The following PACRGL variants were observed in gnomAD, a reference collection of about 807,000 sequenced individuals.
PACRGL encodes parkin coregulated like.
In PACRGL, 38 loss-of-function variants were observed where a neutral mutation model predicts 34.5. The ratio of observed to expected loss-of-function variants is 1.10; its 90% CI spans 0.85 to 1.44. PACRGL has a LOEUF of 1.44. Ranked by LOEUF, PACRGL falls within the 40% of genes most tolerant of loss-of-function variation. The probability of loss-of-function intolerance (pLI) is 0.00; values close to 1 mark genes in which losing one functional copy is unlikely to be tolerated. For synonymous variants in PACRGL, 128 were observed against 100.1 expected (o/e 1.28, Z -1.66); for missense variants, 305 against 281.4 (o/e 1.08, Z -0.60).
downstream of PACRGL, chr4:20,732,838 GTCTAAGAAGCTCTGAC>G: frequency 9.2e-7 from 1 of 1,083,006 alleles, no homozygotes. Context: ...GAAGAAACCA[GTCTAAGAAGCTCTGAC>G]AGATTTTTCC....
At chr4:20,710,575 A>G (rs1191457574) in intron 5 of PACRGL, among the ~76,000 whole-genome samples, 2 of 152,154 alleles carry the variant, frequency 1.3e-5, no homozygotes, top group Admixed American at 6.5e-5. Flanking sequence ...ATTAGTTACT[A>G]CTGTGTAACT....
At chr4:20,754,760 TAAG>T (rs1332664271), downstream of PACRGL, among the ~76,000 whole-genome samples, 2 of 152,354 alleles carry the variant, frequency 1.3e-5, no homozygotes, top group African/African-American at 4.8e-5. Flanking sequence ...GTGCTCTGTT[TAAG>T]AAGATGTTCT....
downstream of PACRGL, chr4:20,734,477 A>G: frequency 9.0e-6 from 4 of 443,946 alleles, no homozygotes; most frequent in Non-Finnish European, 1.2e-5. Flanking sequence ...CTTCTATCCC[A>G]AGTTTTTAAT....
chr4:20,703,732 G>A (rs1452215413), intron 1 of PACRGL, among the ~76,000 whole-genome samples: 4 of 152,126 alleles, frequency 2.6e-5, no homozygotes, highest in Admixed American at 2.6e-4. Flanking sequence ...AACAGGTCAG[G>A]AAGTCGAGGT....
At chr4:20,720,542 A>G (rs1742554966) in intron 7 of PACRGL, among the ~76,000 whole-genome samples, 1 of 151,776 alleles carries the variant, frequency 6.6e-6, no homozygotes, top group Non-Finnish European at 1.5e-5. Flanking sequence ...CAAAATCAGC[A>G]TTTGCTTGTC....
intron 1 of PACRGL, chr4:20,702,251 A>T (rs1333172128): frequency 3.5e-5 from 16 of 455,916 alleles, no homozygotes; most frequent in South Asian, 2.5e-4. Context: ...GTGCATCATA[A>T]TTTGATATGG....
At chr4:20,712,628 T>A (rs1157291679) in intron 5 of PACRGL, 160 bp from the exon 6 acceptor site, 2 of 694,856 alleles carry the variant, frequency 2.9e-6, no homozygotes, top group Non-Finnish European at 4.2e-6. Context: ...TCCCACAGTT[T>A]CTCAATGTAA....
intron 8 of PACRGL, among the ~76,000 whole-genome samples, chr4:20,726,563 C>T (rs1183796622): frequency 6.6e-6 from 1 of 152,122 alleles, no homozygotes; most frequent in African/African-American, 2.4e-5. Context: ...TCTTCTTTCT[C>T]TTCTAAGACC....
intron 8 of PACRGL, chr4:20,749,565 C>A: frequency 1.3e-6 from 1 of 796,386 alleles, no homozygotes; most frequent in Non-Finnish European, 2.0e-6. Flanking sequence ...GGCTTTCTTT[C>A]CCCTGAGCAA....
In PACRGL at chr4:20,727,285, G is replaced by T; in HGVS notation, c.691G>T (p.Gly231Trp). ...ATGCTCAATTTTTTTCTGTTGACAG[G>T]GGAGCCTTAGCATCATCAAATCTAA... ...LQKLEQHGGS[G>W]SLSIIKSKIP... is the part of the protein sequence containing the mutation. Residue 231 changes from glycine to tryptophan, a missense_variant and splice_region_variant, in exon 9 of 9, where the codon GGG becomes TGG. Physicochemically the swap from Gly to Trp is radical, Grantham distance 184. Coordinates refer to ENST00000503585, the MANE Select transcript of PACRGL (RefSeq NM_001258345.3). 6.2e-7 allele frequency: 1 copy of T among 1,610,350 alleles called. No individual in the cohort carries two copies. Among genetic ancestry groups the T allele is most frequent in the Non-Finnish European group, 8.5e-7 (1 of 1,176,900 alleles).
At chr4:20,724,091 A>T (rs1744644295) in intron 7 of PACRGL, among the ~76,000 whole-genome samples, 1 of 152,082 alleles carries the variant, frequency 6.6e-6, no homozygotes, top group Non-Finnish European at 1.5e-5. Flanking sequence ...TATACAACTC[A>T]TTTTTTCCTC....
chr4:20,745,123 G>T (rs1752133445), intron 8 of PACRGL, among the ~76,000 whole-genome samples: 1 of 152,132 alleles, frequency 6.6e-6, no homozygotes, highest in Non-Finnish European at 1.5e-5. Flanking sequence ...AGGAGCTTTG[G>T]CCTCTTCTTG....
intron 8 of PACRGL, among the ~76,000 whole-genome samples, chr4:20,742,336 G>T (rs969265844): frequency 6.6e-6 from 1 of 152,078 alleles, no homozygotes; most frequent in African/African-American, 2.4e-5. Flanking sequence ...TTAGCAAACC[G>T]AATCCAGCAG....
chr4:20,711,731 A>T lies in PACRGL; in HGVS notation c.367-1057A>T, dbSNP rs373106263. Among the ~76,000 whole-genome samples, 621 of 148,522 alleles carry T rather than the reference A, an allele frequency of 4.2e-3. 4 individuals are homozygous for T. Among genetic ancestry groups the T allele is most frequent in the African/African-American group, 0.016 (591 of 37,938 alleles). On this transcript the variant is annotated intron_variant, in intron 5 of 8. Transcript: ENST00000503585. ...AAAAGTCAGATGGCCCTTTTGACTC[A>T]CTATGATTGGTTAAATCATAAAAGA...
At chr4:20,757,313 A>C (rs1316835599), downstream of PACRGL, among the ~76,000 whole-genome samples, 2 of 152,174 alleles carry the variant, frequency 1.3e-5, no homozygotes, top group African/African-American at 4.8e-5. Flanking sequence ...CTACAGCAGT[A>C]ATCTTCTAAT....
At chr4:20,732,866 A>C (rs1386053737), downstream of PACRGL, 5 of 837,544 alleles carry the variant, frequency 6.0e-6, no homozygotes, top group Admixed American at 1.4e-4. Flanking sequence ...GATTTTTCCT[A>C]CTCAATTTTA....
chr4:20,762,991 C>G, the PACRGL span, among the ~76,000 whole-genome samples: 1 of 152,184 alleles, frequency 6.6e-6, no homozygotes, highest in Non-Finnish European at 1.5e-5. Context: ...GCAGGAGCCC[C>G]TTATAAAACC....
downstream of PACRGL, among the ~76,000 whole-genome samples, chr4:20,754,849 A>AT (rs1342161839): frequency 6.6e-6 from 1 of 152,202 alleles, no homozygotes; most frequent in Non-Finnish European, 1.5e-5. Context: ...AGTATGTAAT[A>AT]ACTTGATTTG....
chr4:20,706,443 T>A (rs1255638820), intron 3 of PACRGL, among the ~76,000 whole-genome samples: 1 of 152,194 alleles, frequency 6.6e-6, no homozygotes, highest in African/African-American at 2.4e-5. Flanking sequence ...CAAACAACTT[T>A]CTTATCGGAT....
Sources: gnomAD v4.1 joint callset for allele counts (sites outside exome capture counted in the v4.1 genomes callset) on GRCh38, gnomAD v4.1.1 for gene constraint, MANE v1.5 for transcripts, NCBI Gene and HGNC (gene_info 2026-07-23, HGNC 2026-07-21) for gene names.